NELL1: variants seen among roughly 807,000 people sequenced by gnomAD.
NELL1 encodes the protein neural EGFL like 1, also known as protein kinase C-binding protein NELL1.
Under a neutral mutation model 107.4 loss-of-function variants are expected in NELL1, and 76 were observed. The observed-to-expected ratio is 0.71, with a 90% CI of 0.59 to 0.86. The LOEUF (loss-of-function observed/expected upper bound fraction) is 0.86. Ranked by LOEUF, NELL1 falls within the 40% of genes least tolerant of loss-of-function variation. The pLI is 0.00. For synonymous variants in NELL1, 353 were observed against 341.2 expected (o/e 1.03, Z -0.38); for missense variants, 1,024 against 1,005.5 (o/e 1.02, Z -0.25).
At chr11:20,994,239 A>G (rs1852041728) in intron 12 of NELL1, among the ~76,000 whole-genome samples, 1 of 152,242 alleles carries the variant, frequency 6.6e-6, no homozygotes, top group Admixed American at 6.5e-5. Context: ...AAAAACAATC[A>G]TGGTACAAAC....
intron 4 of NELL1, among the ~76,000 whole-genome samples, chr11:20,875,335 T>C (rs1590370460): frequency 6.6e-6 from 1 of 152,302 alleles, no homozygotes; most frequent in Admixed American, 6.5e-5. Flanking sequence ...TCTCTTTTAA[T>C]CCTGATAGTG....
rs552646261 is a variant in NELL1, at chr11:20,669,831, A to G, written c.55+53A>G. The G allele has an allele frequency of 1.3e-6, 2 of 1,501,606 alleles. No individual in the cohort carries two copies. The highest frequency in any genetic ancestry group is 4.5e-5 in the East Asian group (2 of 44,040). 93.0% of individuals were successfully genotyped at this position (1,501,606 alleles called of 1,614,324 possible). A position where few individuals can be genotyped will look rare whatever the true frequency, so the allele number is the denominator to read the frequency against. On this transcript the variant is annotated intron_variant, in intron 1 of 19. Coordinates refer to ENST00000357134, the MANE Select transcript of NELL1 (RefSeq NM_006157.5). This position sits in a 1 kb window ranked among gnomAD's most constrained non-coding sequence, Gnocchi z 4.4. The stretch of plus-strand genomic sequence containing the variant: ...ATCCGGGAAATGGGGGTGCCCACAG[A>G]CCACGGCGGCGTGGGGAGACCTGGA...
chr11:20,938,908 GTCTC>G lies in NELL1; in HGVS notation c.1071+1079_1071+1082del, dbSNP rs71443766. On this transcript the variant is annotated intron_variant, in intron 10 of 19. Coordinates refer to ENST00000357134, the MANE Select transcript of NELL1 (RefSeq NM_006157.5). ...CATTGAAGCTCTCTCTTCTCTCTCT[GTCTC>G]TCTCTCTCTCTCTCTCTCTCTCTCT... Among the ~76,000 whole-genome samples the G allele has an allele frequency of 8.1e-3, 1,176 of 144,576 alleles. 6 individuals are homozygous for G. The highest frequency in any genetic ancestry group is 0.022 in the African/African-American group (830 of 37,876). 94.8% of individuals were successfully genotyped at this position (144,576 alleles called of 152,430 possible). A position where few individuals can be genotyped will look rare whatever the true frequency, so the allele number is the denominator to read the frequency against.
chr11:20,876,987 A>G (rs187242817), intron 4 of NELL1, among the ~76,000 whole-genome samples: 13 of 152,080 alleles, frequency 8.5e-5, no homozygotes, highest in Non-Finnish European at 1.6e-4. Flanking sequence ...CAATTCTCAC[A>G]TTTTTCTTAT....
At chr11:21,490,883 G>C (rs1854789148) in intron 15 of NELL1, among the ~76,000 whole-genome samples, 1 of 152,016 alleles carries the variant, frequency 6.6e-6, no homozygotes. Flanking sequence ...CAAAATGTCA[G>C]TCTAAGAAAA....
chr11:21,339,306 G>A (rs1400079841), intron 14 of NELL1, among the ~76,000 whole-genome samples: 3 of 152,182 alleles, frequency 2.0e-5, no homozygotes, highest in South Asian at 2.1e-4. Flanking sequence ...TTACACAACT[G>A]AAAGCCAAAG....
intron 14 of NELL1, among the ~76,000 whole-genome samples, chr11:21,285,292 C>T (rs112320172): frequency 6.6e-6 from 1 of 152,176 alleles, no homozygotes; most frequent in African/African-American, 2.4e-5. Context: ...AGTCCTGGGG[C>T]TTTCCCAGAG....
intron 12 of NELL1, among the ~76,000 whole-genome samples, chr11:20,964,654 C>G (rs1297047860): frequency 6.6e-6 from 1 of 152,172 alleles, no homozygotes; most frequent in Admixed American, 6.6e-5. Flanking sequence ...CCTCTTCTTC[C>G]ACTACCCACA....
rs1267105804 is a variant in NELL1 at position 21,084,476 on chromosome 11, C to T, written c.1301-29113C>T. Among the ~76,000 whole-genome samples, 9 of 152,028 alleles carry T rather than the reference C, an allele frequency of 5.9e-5. No individual in the cohort carries two copies. In the South Asian group the frequency reaches 6.2e-4, roughly 11 times the overall value. On this transcript the variant is annotated intron_variant, in intron 12 of 19. Transcript: ENST00000357134. Reference sequence around the variant, plus strand: ...AATAGATGTTAACTCTTATAGTGATCGCTTGATTTATTGATTTATGAAGTT... The same window carrying T: ...AATAGATGTTAACTCTTATAGTGATTGCTTGATTTATTGATTTATGAAGTT...
At chr11:20,988,728 C>T (rs1237495743) in intron 12 of NELL1, among the ~76,000 whole-genome samples, 2 of 151,454 alleles carry the variant, frequency 1.3e-5, no homozygotes, top group African/African-American at 4.8e-5. Flanking sequence ...GTAGCTGAGA[C>T]GACAGGCGCC....
chr11:21,181,519 A>G (rs1383081070), intron 13 of NELL1, among the ~76,000 whole-genome samples: 4 of 151,930 alleles, frequency 2.6e-5, no homozygotes, highest in African/African-American at 9.7e-5. Flanking sequence ...ATCCCATTTC[A>G]ACTGCAAAGC....
chr11:20,730,136 T>C (rs1005657412), intron 2 of NELL1, among the ~76,000 whole-genome samples: 1 of 152,210 alleles, frequency 6.6e-6, no homozygotes, highest in African/African-American at 2.4e-5. Context: ...GAACTGTGAA[T>C]TACAGGCAGA....
chr11:20,907,964 C>G (rs530177296), intron 5 of NELL1, among the ~76,000 whole-genome samples: 1 of 152,232 alleles, frequency 6.6e-6, no homozygotes, highest in East Asian at 1.9e-4. Context: ...TTAAACATCA[C>G]TGATCATCAG....
intron 12 of NELL1, chr11:21,001,073 T>G (rs1223839699): frequency 6.6e-6 from 1 of 152,164 alleles, no homozygotes; most frequent in Non-Finnish European, 1.5e-5. Flanking sequence ...GTCCATATTT[T>G]GGGGATGAGT....
In NELL1 at chr11:20,837,737, T is replaced by C. The variant is rs115747620; in HGVS notation, c.336-9846T>C. 2.6e-3 allele frequency among the ~76,000 whole-genome samples: 402 copies of C among 152,080 alleles called. 1 individual carries two copies. The highest frequency in any genetic ancestry group is 9.1e-3 in the African/African-American group (378 of 41,500). On this transcript the variant is annotated intron_variant, in intron 3 of 19. Transcript: ENST00000357134. Reference sequence around the variant, plus strand: ...CGTCCAACAGCTAAAGCTGGAACAATTTGAGCAAAAAAATAAACAGTGTTG... The same window carrying C: ...CGTCCAACAGCTAAAGCTGGAACAACTTGAGCAAAAAAATAAACAGTGTTG...
At chr11:20,981,804 A>G (rs1237250861) in intron 12 of NELL1, among the ~76,000 whole-genome samples, 2 of 152,192 alleles carry the variant, frequency 1.3e-5, no homozygotes, top group African/African-American at 4.8e-5. Flanking sequence ...TTGATATGCA[A>G]ATGGTAGAAA....
At chr11:21,253,822 G>T (rs898194248) in intron 14 of NELL1, among the ~76,000 whole-genome samples, 1 of 152,116 alleles carries the variant, frequency 6.6e-6, no homozygotes, top group Admixed American at 6.6e-5. Context: ...CCATTGAAGA[G>T]ATTATAATTT....
intron 15 of NELL1, among the ~76,000 whole-genome samples, chr11:21,453,917 CT>C (rs1182379361): frequency 1.2e-3 from 157 of 133,610 alleles, no homozygotes; most frequent in African/African-American, 2.7e-3. Flanking sequence ...ATCATAGGTT[CT>C]TTTTTTTTTA....
intron 5 of NELL1, among the ~76,000 whole-genome samples, chr11:20,915,076 A>G (rs1359582711): frequency 2.0e-5 from 3 of 152,080 alleles, no homozygotes; most frequent in Non-Finnish European, 4.4e-5. Flanking sequence ...GAAATCTACT[A>G]CAATAGGAAC....
Sources: gnomAD v4.1 joint callset for allele counts (sites outside exome capture counted in the v4.1 genomes callset) on GRCh38, gnomAD v4.1.1 for gene constraint, Gnocchi (gnomAD v3.1) non-coding constraint, MANE v1.5 for transcripts, NCBI Gene and HGNC (gene_info 2026-07-23, HGNC 2026-07-21) for gene names.